Variants in PCSK5 observed in about 807,000 individuals in gnomAD.
The protein encoded by PCSK5 is prohormone convertase 5.
Under a neutral mutation model 233.2 loss-of-function variants are expected in PCSK5, and 129 were observed. The observed-to-expected ratio is 0.55, with a 90% CI of 0.48 to 0.64. The LOEUF (loss-of-function observed/expected upper bound fraction) is 0.64, where lower values mean the gene tolerates loss of function less well. PCSK5 is among the 30% of genes least tolerant of loss of function. The pLI, the probability that PCSK5 is intolerant of heterozygous loss-of-function variation, is 0.00. For synonymous variants in PCSK5, 825 were observed against 879.2 expected, an observed-to-expected ratio of 0.94 and a Z score of 1.09; for missense variants, 2,076 against 2,430.1, an observed-to-expected ratio of 0.85 and a Z score of 3.06.
At chr9:75,950,120 G>C (rs1185882376) in intron 2 of PCSK5, among the ~76,000 whole-genome samples, 5 of 124,958 alleles carry the variant, frequency 4.0e-5, no homozygotes, top group Non-Finnish European at 8.1e-5. Context: ...AACCTTTATA[G>C]TGGGACACAC....
intron 5 of PCSK5, among the ~76,000 whole-genome samples, chr9:76,040,408 T>A (rs1829068803): frequency 7.3e-6 from 1 of 137,094 alleles, no homozygotes; most frequent in Admixed American, 7.5e-5. Flanking sequence ...TCTCTCTCTC[T>A]CTCTCAACAG....
At chr9:75,927,102 C>A (rs969593055) in intron 1 of PCSK5, among the ~76,000 whole-genome samples, 5 of 152,036 alleles carry the variant, frequency 3.3e-5, no homozygotes, top group Non-Finnish European at 5.9e-5. Context: ...ATTCTCATGC[C>A]CCACAATCTC....
At chr9:76,017,266 C>T (rs545488810) in intron 3 of PCSK5, among the ~76,000 whole-genome samples, 118 of 152,268 alleles carry the variant, frequency 7.7e-4, no homozygotes, top group African/African-American at 2.8e-3. Context: ...TACAAATGAT[C>T]AATTGCCCTT....
At chr9:75,970,574 T>C (rs554975585) in intron 2 of PCSK5, among the ~76,000 whole-genome samples, 143 of 152,172 alleles carry the variant, frequency 9.4e-4, no homozygotes, top group Non-Finnish European at 1.2e-3. Flanking sequence ...GGCTCTAGAG[T>C]TATGCCATTC....
chr9:76,165,917 C>T (rs1823068572), intron 12 of PCSK5, among the ~76,000 whole-genome samples: 1 of 146,236 alleles, frequency 6.8e-6, no homozygotes, highest in Admixed American at 6.8e-5. Context: ...CATGGTTCGA[C>T]ACTTGATTGT....
chr9:76,166,194 G>A (rs939053960), intron 12 of PCSK5, among the ~76,000 whole-genome samples: 1 of 152,096 alleles, frequency 6.6e-6, no homozygotes, highest in African/African-American at 2.4e-5. Flanking sequence ...TGTGATGGTT[G>A]TGTTTGGCTG....
chr9:76,103,632 T>C (rs935865511), intron 8 of PCSK5, among the ~76,000 whole-genome samples: 1 of 152,190 alleles, frequency 6.6e-6, no homozygotes, highest in African/African-American at 2.4e-5. Context: ...ACCCACCGCT[T>C]GTCATCAAAG....
chr9:76,018,066 G>A (rs1024336307), intron 3 of PCSK5, among the ~76,000 whole-genome samples: 11 of 150,782 alleles, frequency 7.3e-5, no homozygotes, highest in African/African-American at 2.0e-4. Context: ...AGGGGAGAAC[G>A]GAGCCTTCGG....
At chr9:76,276,947 G>T (rs1413011641) in intron 24 of PCSK5, among the ~76,000 whole-genome samples, 1 of 152,038 alleles carries the variant, frequency 6.6e-6, no homozygotes, top group Non-Finnish European at 1.5e-5. Flanking sequence ...AATTATCTAG[G>T]CTGGGTGCAG....
chr9:76,217,468 C>T (rs991615761), intron 20 of PCSK5, among the ~76,000 whole-genome samples: 4 of 152,162 alleles, frequency 2.6e-5, no homozygotes, highest in African/African-American at 7.2e-5. Context: ...TAATTTAATC[C>T]ATCTGGCCAT....
At chr9:75,959,664 C>T (rs1267034615) in intron 2 of PCSK5, among the ~76,000 whole-genome samples, 5 of 152,116 alleles carry the variant, frequency 3.3e-5, no homozygotes, top group Non-Finnish European at 5.9e-5. Flanking sequence ...GGCTCGGGGC[C>T]GACTCTGTGG....
intron 23 of PCSK5, among the ~76,000 whole-genome samples, chr9:76,239,840 T>C (rs1009211758): frequency 6.6e-6 from 1 of 152,148 alleles, no homozygotes; most frequent in Non-Finnish European, 1.5e-5. Flanking sequence ...TCCTTCCCAA[T>C]TACTAGACAT....
chr9:76,238,919 G>GT, intron 22 of PCSK5, 40 bp from the exon 23 acceptor site: 1 of 1,423,378 alleles, frequency 7.0e-7, no homozygotes, highest in Non-Finnish European at 9.9e-7. Context: ...GGCTAACTTT[G>GT]TACATTTTCC....
At chr9:75,964,897 G>T (rs371080995) in intron 2 of PCSK5, among the ~76,000 whole-genome samples, 1 of 152,132 alleles carries the variant, frequency 6.6e-6, no homozygotes, top group African/African-American at 2.4e-5. Flanking sequence ...TGGCGGGGGT[G>T]GGGGAGCATT....
intron 3 of PCSK5, among the ~76,000 whole-genome samples, chr9:76,008,553 C>T (rs1827583744): frequency 6.6e-6 from 1 of 152,062 alleles, no homozygotes; most frequent in African/African-American, 2.4e-5. Flanking sequence ...CCTCTGCCTC[C>T]CAGGTTCAAG....
intron 16 of PCSK5, among the ~76,000 whole-genome samples, chr9:76,183,696 T>C (rs928467892): frequency 6.6e-6 from 1 of 152,182 alleles, no homozygotes; most frequent in Non-Finnish European, 1.5e-5. Flanking sequence ...TATTTCATGC[T>C]CAGAGGCTCA....
At chr9:76,195,405 C>T (rs1435875856) in intron 20 of PCSK5, 1 of 152,090 alleles carries the variant, frequency 6.6e-6, no homozygotes, top group African/African-American at 2.4e-5. Flanking sequence ...GACGAATAAC[C>T]ATCAACATGA....
At chr9:76,238,233 C>T (rs573921577) in intron 22 of PCSK5, among the ~76,000 whole-genome samples, 2 of 152,148 alleles carry the variant, frequency 1.3e-5, no homozygotes, top group Non-Finnish European at 2.9e-5. Context: ...GATTAGAATC[C>T]TTTGTAACTA....
intron 2 of PCSK5, among the ~76,000 whole-genome samples, chr9:75,956,799 C>T (rs750901026): frequency 6.6e-6 from 1 of 152,038 alleles, no homozygotes; most frequent in Non-Finnish European, 1.5e-5. Flanking sequence ...CTTCTTTCCT[C>T]TATTTCTACC....
Sources: gnomAD v4.1 joint callset for allele counts (sites outside exome capture counted in the v4.1 genomes callset) on GRCh38, gnomAD v4.1.1 for gene constraint, MANE v1.5 for transcripts, NCBI Gene and HGNC (gene_info 2026-07-23, HGNC 2026-07-21) for gene names.